TMEM132C: variants seen among roughly 807,000 people sequenced by gnomAD.
TMEM132C encodes transmembrane protein 132C.
In TMEM132C, 29 loss-of-function variants were observed where a neutral mutation model predicts 61.4. That is an observed-to-expected ratio of 0.47 (90% CI 0.35 to 0.64). The LOEUF is 0.64. Ranked by LOEUF, TMEM132C falls within the 30% of genes least tolerant of loss-of-function variation. TMEM132C has a pLI of 0.00. For synonymous variants in TMEM132C, 656 were observed against 633.1 expected (o/e 1.04, Z -0.54); for missense variants, 1,408 against 1,476.9 (o/e 0.95, Z 0.76).
intron 2 of TMEM132C, among the ~76,000 whole-genome samples, chr12:128,492,255 G>A (rs2136101542): frequency 6.6e-6 from 1 of 152,270 alleles, no homozygotes; most frequent in East Asian, 1.9e-4. Context: ...TATCATTGAT[G>A]GACATTTGGG....
intron 2 of TMEM132C, among the ~76,000 whole-genome samples, chr12:128,531,887 AGTAAGATGACCCTGCTCAC>A (rs1873323097): frequency 6.6e-6 from 1 of 152,196 alleles, no homozygotes; most frequent in African/African-American, 2.4e-5. Flanking sequence ...CTGCTGCTGG[AGTAAGATGACCCTGCTCAC>A]AAGGCTCCTG....
intron 4 of TMEM132C, among the ~76,000 whole-genome samples, chr12:128,628,597 G>C (rs1442287520): frequency 6.6e-6 from 1 of 152,028 alleles, no homozygotes; most frequent in Non-Finnish European, 1.5e-5. Context: ...CCCCAGTGGG[G>C]TGTCAGCTCC....
rs895308116 is a variant in TMEM132C at position 128,705,485 on chromosome 12, C to T, written c.2517C>T (p.His839=). 7.1e-6 allele frequency: 11 copies of T among 1,551,120 alleles called. No homozygotes were observed. In the Middle Eastern group the frequency reaches 5.0e-4, roughly 70 times the overall value. The change falls in exon 9 of 9, where the codon CAC becomes CAT. Residue 839 remains histidine, a synonymous_variant. Coordinates refer to ENST00000435159, the MANE Select transcript of TMEM132C (RefSeq NM_001136103.3). ...QHHERTGQDG[H]LYGSSPVERE... ...ATGAGCGCACAGGCCAAGATGGGCA[C>T]CTCTATGGCAGCTCTCCCGTGGAGC...
At chr12:128,704,670 C>A (rs1219293688) in intron 8 of TMEM132C, among the ~76,000 whole-genome samples, 1 of 152,192 alleles carries the variant, frequency 6.6e-6, no homozygotes, top group East Asian at 1.9e-4. Context: ...CAGACAACAG[C>A]TGTATCCATT....
rs190439953 is a variant in TMEM132C, at chr12:128,703,959, G to A, written c.2122-1131G>A. Among the ~76,000 whole-genome samples, 164 of 152,272 alleles carry A rather than the reference G, an allele frequency of 1.1e-3. 1 individual carries two copies. The highest frequency in any genetic ancestry group is 3.6e-3 in the African/African-American group (149 of 41,548). On this transcript the variant is annotated intron_variant, in intron 8 of 8. Coordinates refer to ENST00000435159, the MANE Select transcript of TMEM132C (RefSeq NM_001136103.3). Reference sequence around the variant, plus strand: ...TGGAAGCAGAATAGAAGTACCCATGGCTAAGTCAAGAATAAGGCCTTCTGT... The same window carrying A: ...TGGAAGCAGAATAGAAGTACCCATGACTAAGTCAAGAATAAGGCCTTCTGT...
At chr12:128,468,477 C>G (rs1870819202) in intron 2 of TMEM132C, among the ~76,000 whole-genome samples, 1 of 152,108 alleles carries the variant, frequency 6.6e-6, no homozygotes, top group African/African-American at 2.4e-5. Context: ...ACCACCACGC[C>G]AGGCTAATTT....
chr12:128,428,952 T>C (rs1019203435), intron 2 of TMEM132C, among the ~76,000 whole-genome samples: 6 of 152,232 alleles, frequency 3.9e-5, no homozygotes, highest in South Asian at 2.1e-4. Flanking sequence ...TTATTATTTT[T>C]ATTACATGTA....
At chr12:128,628,920 C>T (rs1954042576) in intron 4 of TMEM132C, among the ~76,000 whole-genome samples, 8 of 152,214 alleles carry the variant, frequency 5.3e-5, no homozygotes, top group Admixed American at 5.2e-4. Flanking sequence ...AGCCTTTATT[C>T]TACAGCCTCA....
chr12:128,472,045 C>G (rs1870970388), intron 2 of TMEM132C, among the ~76,000 whole-genome samples: 1 of 152,148 alleles, frequency 6.6e-6, no homozygotes, highest in Non-Finnish European at 1.5e-5. Context: ...GAAATAACCA[C>G]TCCTCATACT....
intron 3 of TMEM132C, among the ~76,000 whole-genome samples, chr12:128,612,569 A>G (rs1259463594): frequency 3.3e-5 from 5 of 152,218 alleles, no homozygotes; most frequent in Non-Finnish European, 7.3e-5. Flanking sequence ...GCAGAGGTTC[A>G]AAAGTGTCTG....
At chr12:128,275,656 C>T (rs1278991206) in intron 1 of TMEM132C, among the ~76,000 whole-genome samples, 2 of 152,038 alleles carry the variant, frequency 1.3e-5, no homozygotes, top group Non-Finnish European at 2.9e-5. Flanking sequence ...AAAACTGGTC[C>T]CTTTTGCCAA....
intron 1 of TMEM132C, among the ~76,000 whole-genome samples, chr12:128,408,914 AGCAGAGCCAG>A (rs1868415783): frequency 6.6e-6 from 1 of 152,212 alleles, no homozygotes; most frequent in Non-Finnish European, 1.5e-5. Context: ...TCCAGAGGAC[AGCAGAGCCAG>A]GCTGCCCCAT....
At chr12:128,406,024 T>C (rs1875332107) in intron 1 of TMEM132C, among the ~76,000 whole-genome samples, 1 of 152,230 alleles carries the variant, frequency 6.6e-6, no homozygotes, top group Admixed American at 6.5e-5. Context: ...GCTCTAAAAG[T>C]ATGCAAATGT....
intron 3 of TMEM132C, among the ~76,000 whole-genome samples, chr12:128,576,317 G>C (rs1038485269): frequency 1.3e-5 from 2 of 152,132 alleles, no homozygotes; most frequent in Non-Finnish European, 1.5e-5. Flanking sequence ...TGTGAGGGTA[G>C]AGTCAAAGCC....
chr12:128,678,879 G>A (rs1954613383), intron 5 of TMEM132C, among the ~76,000 whole-genome samples: 1 of 152,316 alleles, frequency 6.6e-6, no homozygotes, highest in Admixed American at 6.5e-5. Flanking sequence ...TCCTGTGGGA[G>A]GACGCTCATT....
chr12:128,671,695 C>A (rs1263139073), intron 5 of TMEM132C, among the ~76,000 whole-genome samples: 1 of 152,212 alleles, frequency 6.6e-6, no homozygotes, highest in Non-Finnish European at 1.5e-5. Context: ...CTCAGCGCCA[C>A]CATCACACAG....
At chr12:128,516,393 G>A (rs116127932) in intron 2 of TMEM132C, among the ~76,000 whole-genome samples, 1,952 of 152,204 alleles carry the variant, frequency 0.013, 41 homozygotes, top group African/African-American at 0.045. Context: ...GTGATTCCAC[G>A]TCCGAGGCGT....
chr12:128,413,317 A>AAAAC (rs1868634479), intron 1 of TMEM132C, among the ~76,000 whole-genome samples: 1 of 150,676 alleles, frequency 6.6e-6, no homozygotes, highest in African/African-American at 2.4e-5. Context: ...AAAAAAAAAA[A>AAAAC]AAAACCAATG....
intron 2 of TMEM132C, among the ~76,000 whole-genome samples, chr12:128,522,658 C>G (rs1042487847): frequency 2.0e-5 from 3 of 152,136 alleles, no homozygotes; most frequent in African/African-American, 7.2e-5. Flanking sequence ...AAGTGCCCCT[C>G]CATTTAAGAA....
Sources: allele counts gnomAD v4.1 joint callset (sites outside exome capture counted in the v4.1 genomes callset), GRCh38; gene constraint gnomAD v4.1.1; transcripts MANE v1.5; gene names NCBI Gene and HGNC (gene_info 2026-07-23, HGNC 2026-07-21).